ZMAT4: variants seen among roughly 807,000 people sequenced by gnomAD.
The protein encoded by ZMAT4 is zinc finger matrin-type protein 4.
ZMAT4 carries 17 observed loss-of-function variants against 28.7 expected under a neutral mutation model. The ratio of observed to expected loss-of-function variants is 0.59; its 90% CI spans 0.41 to 0.89. The LOEUF (loss-of-function observed/expected upper bound fraction) is 0.89, where lower values mean the gene tolerates loss of function less well. Among genes scored for constraint, ZMAT4 ranks in the 40% least tolerant of loss-of-function variants. The pLI is 0.00. For synonymous variants in ZMAT4, 117 were observed against 109.2 expected, an observed-to-expected ratio of 1.07 and a Z score of -0.44; for missense variants, 240 against 283.8, an observed-to-expected ratio of 0.85 and a Z score of 1.11.
Position 40,540,176 on chromosome 8 carries a change from C to T in ZMAT4, c.675-7938G>A, listed in dbSNP as rs549507818. On this transcript the variant is annotated intron_variant, in intron 6 of 6. Transcript: ENST00000297737. ...AGGAAAACTCCAACCAGCCTGTGCACTGGGGTGGAGCCTCAGGAAGTTGGC... is the reference window on the plus strand; with the variant it reads ...AGGAAAACTCCAACCAGCCTGTGCATTGGGGTGGAGCCTCAGGAAGTTGGC... Among the ~76,000 whole-genome samples, 8 of 152,294 alleles carry T rather than the reference C, an allele frequency of 5.3e-5. No individual in the cohort carries two copies. The South Asian group carries it at 1.2e-3, about 24-fold the overall frequency.
At chr8:40,751,000 G>A (rs1812431240) in intron 3 of ZMAT4, among the ~76,000 whole-genome samples, 1 of 152,214 alleles carries the variant, frequency 6.6e-6, no homozygotes, top group African/African-American at 2.4e-5. Flanking sequence ...CACTGCTAAA[G>A]GATGTGGTGT....
chr8:40,865,860 G>A (rs1817661941), intron 1 of ZMAT4, among the ~76,000 whole-genome samples: 2 of 152,096 alleles, frequency 1.3e-5, no homozygotes, highest in Admixed American at 6.5e-5. Context: ...CAATCTGATC[G>A]TCCCAACCAA....
At chr8:40,674,506 C>T (rs1242047986) in intron 5 of ZMAT4, 198 bp downstream of exon 5, 2 of 565,058 alleles carry the variant, frequency 3.5e-6, no homozygotes, top group African/African-American at 1.9e-5. Context: ...AAAATAAACA[C>T]TTTGAAACAA....
intron 1 of ZMAT4, among the ~76,000 whole-genome samples, chr8:40,886,339 C>CAG (rs1452604125): frequency 6.6e-6 from 1 of 152,214 alleles, no homozygotes; most frequent in African/African-American, 2.4e-5. Flanking sequence ...TGGAGGCAGA[C>CAG]AGAGCAATGC....
chr8:40,791,094 AC>A (rs1432610532), intron 2 of ZMAT4, among the ~76,000 whole-genome samples: 1 of 152,238 alleles, frequency 6.6e-6, no homozygotes, highest in African/African-American at 2.4e-5. Flanking sequence ...AAAAGAATTA[AC>A]TTTGATCTAT....
At chr8:40,843,085 AT>A (rs1244803891) in intron 1 of ZMAT4, among the ~76,000 whole-genome samples, 2 of 152,228 alleles carry the variant, frequency 1.3e-5, no homozygotes, top group South Asian at 2.1e-4. Context: ...CCTAAAACAC[AT>A]TTTTTAAATG....
At chr8:40,557,699 C>T (rs190379780) in intron 6 of ZMAT4, among the ~76,000 whole-genome samples, 5 of 152,294 alleles carry the variant, frequency 3.3e-5, no homozygotes, top group Admixed American at 6.5e-5. Context: ...CTCTGGCTGT[C>T]TCTTCCCAAC....
chr8:40,825,297 A>G (rs538933958), intron 2 of ZMAT4, among the ~76,000 whole-genome samples: 1 of 152,258 alleles, frequency 6.6e-6, no homozygotes, highest in Admixed American at 6.5e-5. Context: ...AGATTTAACA[A>G]GTAGAGAAAG....
At chr8:40,877,478 C>T (rs140154425) in intron 1 of ZMAT4, among the ~76,000 whole-genome samples, 3 of 152,280 alleles carry the variant, frequency 2.0e-5, no homozygotes, top group African/African-American at 7.2e-5. Context: ...CTGAACTCTG[C>T]CCTCTGAAGA....
At position 40,674,808 on chromosome 8, in the gene ZMAT4, A is replaced by G. The variant is rs775067973; in HGVS notation, c.473T>C (p.Leu158Pro). Residue 158 changes from leucine to proline, a missense_variant, in exon 5 of 7, where the codon CTG (leucine) becomes CCG (proline). Physicochemically the swap from Leu to Pro is moderately conservative, Grantham distance 98. Coordinates refer to ENST00000297737, the MANE Select transcript of ZMAT4 (RefSeq NM_024645.3). ...GLCAAWFNNPLMAQQHYDGKK... is the reference protein window; with the variant it reads ...GLCAAWFNNPPMAQQHYDGKK... Reference sequence around the variant, plus strand: ...GCCATCATAATGTTGCTGGGCCATCAGAGGGTTATTAAACCAGGCTGCACA... The same window carrying G: ...GCCATCATAATGTTGCTGGGCCATCGGAGGGTTATTAAACCAGGCTGCACA... 1 of 1,613,992 alleles carries G rather than the reference A, an allele frequency of 6.2e-7. No homozygotes were observed. Among genetic ancestry groups the G allele is most frequent in the Non-Finnish European group, 8.5e-7 (1 of 1,179,934 alleles).
intron 6 of ZMAT4, among the ~76,000 whole-genome samples, chr8:40,556,363 C>T (rs1013365520): frequency 6.6e-6 from 1 of 152,188 alleles, no homozygotes; most frequent in South Asian, 2.1e-4. Context: ...TTTTCTCATT[C>T]TCTCAAACGA....
chr8:40,802,519 C>T (rs569927467), intron 2 of ZMAT4, among the ~76,000 whole-genome samples: 1 of 151,750 alleles, frequency 6.6e-6, no homozygotes, highest in East Asian at 1.9e-4. Flanking sequence ...TGTATAAGAT[C>T]TATATAAGAA....
intron 6 of ZMAT4, among the ~76,000 whole-genome samples, chr8:40,569,190 T>C (rs969046385): frequency 6.6e-6 from 1 of 152,126 alleles, no homozygotes; most frequent in Non-Finnish European, 1.5e-5. Flanking sequence ...AGAGAAGTGA[T>C]AAATAACTGA....
At chr8:40,864,139 G>A (rs1043950290) in intron 1 of ZMAT4, among the ~76,000 whole-genome samples, 3 of 152,210 alleles carry the variant, frequency 2.0e-5, no homozygotes, top group African/African-American at 7.2e-5. Context: ...GTAAACCAGA[G>A]GTGGGTGTTC....
intron 2 of ZMAT4, among the ~76,000 whole-genome samples, chr8:40,804,792 G>A (rs1815005458): frequency 6.6e-6 from 1 of 152,072 alleles, no homozygotes; most frequent in South Asian, 2.1e-4. Context: ...AGTGAGCCGA[G>A]ATCGGGCCAT....
chr8:40,566,169 C>A (rs1803919289), intron 6 of ZMAT4, among the ~76,000 whole-genome samples: 1 of 152,130 alleles, frequency 6.6e-6, no homozygotes, highest in Non-Finnish European at 1.5e-5. Flanking sequence ...GACACACTAT[C>A]TCACTGAAAA....
In ZMAT4 at chr8:40,689,487, C is replaced by A. The variant is rs762907509; in HGVS notation, c.349+7758G>T. On this transcript the variant is annotated intron_variant, in intron 4 of 6. Transcript: ENST00000297737. ...TATTGCATCTGATTCTTAAAGAAAC[C>A]AATCTGAGCATTAAGTGAGAATTTT... 3.1e-4 allele frequency among the ~76,000 whole-genome samples: 47 copies of A among 152,164 alleles called. 1 individual carries two copies. Among genetic ancestry groups the A allele is most frequent in the Non-Finnish European group, 5.1e-4 (35 of 68,044 alleles).
At chr8:40,781,789 A>AAAAAAAAAAAC (rs1563480296) in intron 2 of ZMAT4, among the ~76,000 whole-genome samples, 2 of 147,930 alleles carry the variant, frequency 1.4e-5, no homozygotes, top group African/African-American at 5.1e-5. Flanking sequence ...AAAAAAAAAA[A>AAAAAAAAAAAC]AAGAAAAGAA....
chr8:40,580,251 A>T (rs1804415528), intron 6 of ZMAT4, among the ~76,000 whole-genome samples: 1 of 151,922 alleles, frequency 6.6e-6, no homozygotes, highest in Non-Finnish European at 1.5e-5. Context: ...TGACCTCCTG[A>T]TCCGCCCACC....
Sources: allele counts gnomAD v4.1 joint callset (sites outside exome capture counted in the v4.1 genomes callset), GRCh38; gene constraint gnomAD v4.1.1; transcripts MANE v1.5; gene names NCBI Gene and HGNC (gene_info 2026-07-23, HGNC 2026-07-21).